Variants in RANBP17 observed in about 807,000 individuals in gnomAD.
RANBP17 encodes the protein ran-binding protein 17.
RANBP17 carries 158 observed loss-of-function variants against 141.2 expected under a neutral mutation model. The observed-to-expected ratio is 1.12, with a 90% CI of 0.98 to 1.28. The LOEUF is 1.28. RANBP17 is among the 50% of genes most tolerant of loss of function. The probability of loss-of-function intolerance (pLI) is 0.00; values close to 1 mark genes in which losing one functional copy is unlikely to be tolerated. For synonymous variants in RANBP17, 430 were observed against 450.0 expected, an observed-to-expected ratio of 0.96 and a Z score of 0.56; for missense variants, 1,438 against 1,290.7, an observed-to-expected ratio of 1.11 and a Z score of -1.75.
intron 14 of RANBP17, among the ~76,000 whole-genome samples, chr5:170,968,963 A>G (rs893902045): frequency 1.2e-4 from 18 of 151,884 alleles, no homozygotes; most frequent in African/African-American, 1.7e-4. Context: ...ATTTAGTAGC[A>G]TTAGATACTG....
chr5:171,136,710 T>C (rs1001642141), intron 14 of RANBP17, among the ~76,000 whole-genome samples: 4 of 152,186 alleles, frequency 2.6e-5, no homozygotes, highest in Non-Finnish European at 5.9e-5. Context: ...TATGTAGATA[T>C]GTATTACTTC....
At chr5:171,278,904 C>T (rs916301260) in intron 25 of RANBP17, among the ~76,000 whole-genome samples, 3 of 152,290 alleles carry the variant, frequency 2.0e-5, no homozygotes, top group African/African-American at 7.2e-5. Context: ...ACGTAAAATT[C>T]GCCTTCACTT....
chr5:170,942,457 G>A (rs1368468888), intron 12 of RANBP17, among the ~76,000 whole-genome samples: 1 of 152,090 alleles, frequency 6.6e-6, no homozygotes, highest in Non-Finnish European at 1.5e-5. Context: ...GAGTGTCAGA[G>A]ATAAGATGTT....
intron 3 of RANBP17, among the ~76,000 whole-genome samples, chr5:170,889,230 C>T (rs1466233236): frequency 6.6e-6 from 1 of 151,810 alleles, no homozygotes; most frequent in Non-Finnish European, 1.5e-5. Context: ...GGGTTGTTTC[C>T]ATCAGAGGAT....
chr5:171,195,831 T>A (rs574931147), intron 18 of RANBP17, among the ~76,000 whole-genome samples: 1 of 152,350 alleles, frequency 6.6e-6, no homozygotes, highest in East Asian at 1.9e-4. Flanking sequence ...AAGAAAATCG[T>A]ACAACTTCAT....
At chr5:171,125,130 A>G (rs1350119190) in intron 14 of RANBP17, among the ~76,000 whole-genome samples, 3 of 151,868 alleles carry the variant, frequency 2.0e-5, no homozygotes, top group African/African-American at 4.8e-5. Flanking sequence ...CCCCATCTCT[A>G]TTGAAAAAAT....
intron 9 of RANBP17, among the ~76,000 whole-genome samples, chr5:170,916,859 GC>G (rs984923382): frequency 1.3e-4 from 20 of 152,028 alleles, no homozygotes; most frequent in African/African-American, 4.8e-4. Flanking sequence ...GGGATTACAG[GC>G]TTGCACCCAC....
chr5:171,137,808 T>A (rs1326312183), intron 14 of RANBP17, among the ~76,000 whole-genome samples: 8 of 152,122 alleles, frequency 5.3e-5, no homozygotes, highest in Admixed American at 5.2e-4. Flanking sequence ...TTTTATATTA[T>A]AACTGGTCCT....
intron 24 of RANBP17, among the ~76,000 whole-genome samples, chr5:171,257,924 G>C (rs947921175): frequency 9.2e-5 from 14 of 151,860 alleles, no homozygotes; most frequent in Admixed American, 9.2e-4. Context: ...TGACCAACAT[G>C]GAGAAACCCC....
At chr5:170,892,630 A>G (rs1052872891) in intron 4 of RANBP17, 77 bp downstream of exon 4, 15 of 1,144,024 alleles carry the variant, frequency 1.3e-5, no homozygotes, top group Non-Finnish European at 1.9e-5. Context: ...TCTTAAAGCG[A>G]TATAGTTTGT....
chr5:171,159,795 C>T (rs909045672), intron 14 of RANBP17, among the ~76,000 whole-genome samples: 27 of 151,500 alleles, frequency 1.8e-4, no homozygotes, highest in Admixed American at 8.5e-4. Flanking sequence ...TGGTGGCAGT[C>T]GCCTGTGGTC....
chr5:171,257,390 A>G (rs1185392959), intron 24 of RANBP17, among the ~76,000 whole-genome samples: 1 of 152,202 alleles, frequency 6.6e-6, no homozygotes, highest in Non-Finnish European at 1.5e-5. Context: ...TCAACAAACT[A>G]GGCTTAGAAG....
intron 14 of RANBP17, among the ~76,000 whole-genome samples, chr5:171,125,136 A>G (rs1752683355): frequency 6.6e-6 from 1 of 151,830 alleles, no homozygotes; most frequent in South Asian, 2.1e-4. Context: ...CTCTATTGAA[A>G]AAATACAAAA....
intron 19 of RANBP17, among the ~76,000 whole-genome samples, chr5:171,200,713 C>CT (rs1411358502): frequency 5.3e-5 from 8 of 152,140 alleles, no homozygotes; most frequent in African/African-American, 1.9e-4. Flanking sequence ...AACAAAAAAA[C>CT]TAACAGTAAG....
At chr5:171,006,464 G>A (rs1299341125) in intron 14 of RANBP17, among the ~76,000 whole-genome samples, 1 of 152,102 alleles carries the variant, frequency 6.6e-6, no homozygotes, top group Non-Finnish European at 1.5e-5. Flanking sequence ...GATGAAGCTG[G>A]AAACCATCAT....
intron 14 of RANBP17, among the ~76,000 whole-genome samples, chr5:171,118,581 T>C (rs925234231): frequency 1.3e-5 from 2 of 152,220 alleles, no homozygotes; most frequent in African/African-American, 4.8e-5. Flanking sequence ...TCATTTGTGT[T>C]TTGTAGTTTT....
chr5:171,194,242 G>A (rs975093775), intron 18 of RANBP17, among the ~76,000 whole-genome samples: 5 of 152,026 alleles, frequency 3.3e-5, no homozygotes, highest in Admixed American at 2.6e-4. Context: ...TGTAAAGTAC[G>A]TAATTCATTG....
At position 171,268,112 on chromosome 5, in the gene RANBP17, T is replaced by G. The variant is rs191751821; in HGVS notation, c.2943+2265T>G. Among the ~76,000 whole-genome samples, 14 of 152,318 alleles carry G rather than the reference T, an allele frequency of 9.2e-5. No individual in the cohort carries two copies. In the East Asian group the frequency reaches 2.3e-3, roughly 25 times the overall value. ...AAGGTATCTCACATTTAGTGAGAAC[T>G]TATTATGTGTCAGGTGCAAGAGCTA... On this transcript the variant is annotated intron_variant, in intron 25 of 27. Coordinates refer to ENST00000523189, the MANE Select transcript of RANBP17 (RefSeq NM_022897.5).
chr5:170,881,844 A>G lies in RANBP17; in HGVS notation c.204A>G (p.Ser68=). The change falls in exon 3 of 28, where the codon TCA becomes TCG. Residue 68 remains serine (S), a synonymous_variant. Coordinates refer to ENST00000523189, the MANE Select transcript of RANBP17 (RefSeq NM_022897.5). ...AGCTCCTTGCAGCAACATGTCTTTC[A>G]AAACTTGTCAGCCGAGTCAGTCCTT... ...YAQLLAATCL[S]KLVSRVSPLP... is the part of the protein sequence containing the mutation. 1 of 1,610,202 alleles carries G rather than the reference A, an allele frequency of 6.2e-7. No homozygotes were observed. Among genetic ancestry groups the G allele is most frequent in the South Asian group, 1.1e-5 (1 of 90,208 alleles).
Sources: gnomAD v4.1 joint callset for allele counts (sites outside exome capture counted in the v4.1 genomes callset) on GRCh38, gnomAD v4.1.1 for gene constraint, MANE v1.5 for transcripts, NCBI Gene and HGNC (gene_info 2026-07-23, HGNC 2026-07-21) for gene names.